KASH5: variants seen among roughly 807,000 people sequenced by gnomAD.
KASH5 encodes the protein KASH domain containing 5, also known as protein KASH5.
In KASH5, 72 loss-of-function variants were observed where a neutral mutation model predicts 84.2. That is an observed-to-expected ratio of 0.85 (90% CI 0.71 to 1.04). KASH5 has a LOEUF of 1.04. KASH5 is among the 50% of genes least tolerant of loss of function. The pLI, the probability that KASH5 is intolerant of heterozygous loss-of-function variation, is 0.00. For missense variants in KASH5, 650 were observed against 701.0 expected (o/e 0.93, Z 0.82); for synonymous variants, 260 against 279.1 (o/e 0.93, Z 0.68).
At chr19:49,415,263 G>A (rs545927574) in intron 17 of KASH5, 156 of 549,408 alleles carry the variant, frequency 2.8e-4, no homozygotes, top group African/African-American at 2.6e-3. Context: ...CCACCACACC[G>A]CAGGCCTCAT....
At chr19:49,398,352 G>T (rs1319449896) in intron 7 of KASH5, among the ~76,000 whole-genome samples, 1 of 151,024 alleles carries the variant, frequency 6.6e-6, no homozygotes, top group East Asian at 1.9e-4. Flanking sequence ...TCCCTTGAGG[G>T]TTCAGACTTC....
chr19:49,406,907 C>A lies in KASH5; in HGVS notation c.820C>A (p.Arg274=). The A allele has an allele frequency of 6.2e-7, 1 of 1,606,288 alleles. No individual in the cohort carries two copies. The highest frequency in any genetic ancestry group is 8.5e-7 in the Non-Finnish European group (1 of 1,176,348). The change falls in exon 10 of 20, where the codon CGG becomes AGG. Residue 274 remains arginine (R), a synonymous_variant. Transcript: ENST00000447857. The part of the protein sequence containing the change: ...QEENGKLLAE[R]DGVKKRSQEL... ...CTAGAACGGGAAGCTGCTTGCCGAG[C>A]GGGATGGAGTGAAAAAGAGAAGTCA...
At chr19:49,411,930 A>C (rs13346549) in intron 15 of KASH5, among the ~76,000 whole-genome samples, 1 of 90,708 alleles carries the variant, frequency 1.1e-5, no homozygotes, top group South Asian at 3.9e-4. Flanking sequence ...GAAGGAAGGA[A>C]GGAAGGAAGG....
chr19:49,388,347 G>C lies in KASH5; in HGVS notation c.-96+20G>C, dbSNP rs1391508302. 3 of 152,294 alleles carry C rather than the reference G, an allele frequency of 2.0e-5. No individual in the cohort carries two copies. The highest frequency in any genetic ancestry group is 4.4e-5 in the Non-Finnish European group (3 of 68,142). 9.4% of individuals were successfully genotyped at this position (152,294 alleles called of 1,614,324 possible). A position where few individuals can be genotyped will look rare whatever the true frequency, so the allele number is the denominator to read the frequency against. On this transcript the variant is annotated intron_variant, in intron 1 of 19. Transcript: ENST00000447857. ...CTCCAGGTGCGCCCTGCCCCGCGGC[G>C]AGGTTCCCAGAATGGCCCTTCCCAG... is the stretch of plus-strand genomic sequence containing the variant.
intron 10 of KASH5, 86 bp from the exon 11 acceptor site, chr19:49,407,154 C>G (rs527307252): frequency 6.0e-6 from 9 of 1,493,218 alleles, no homozygotes; most frequent in Admixed American, 1.8e-5. Context: ...CGTGGGGGTG[C>G]GAGAGAACAG....
rs762397520 is a variant in KASH5 at position 49,414,939 on chromosome 19, G to A, written c.1329-12G>A. On this transcript the variant is annotated splice_polypyrimidine_tract_variant and intron_variant, in intron 16 of 19. Coordinates refer to ENST00000447857, the MANE Select transcript of KASH5 (RefSeq NM_144688.5). This position sits in a 1 kb window ranked among gnomAD's most constrained non-coding sequence, Gnocchi z 4.5. ...AGAGGACGAAGCCAGCAGTGACTTT[G>A]TTGGCCCTCAGGTTGACCAGAAGAG... 2.4e-5 allele frequency: 39 copies of A among 1,611,784 alleles called. No individual in the cohort carries two copies. The highest frequency in any genetic ancestry group is 3.2e-5 in the Non-Finnish European group (38 of 1,179,162).
rs754025481 is a variant in KASH5, at chr19:49,407,573, G to GA, written c.934-37dup. 150 of 1,558,002 alleles carry GA rather than the reference G, an allele frequency of 9.6e-5. 1 individual carries two copies. The African/African-American group carries it at 1.8e-3, about 19-fold the overall frequency. On this transcript the variant is annotated intron_variant, in intron 11 of 19. Transcript: ENST00000447857. ...CACCACCACCCCCAGTGTCTTTGGGGAACTGGTCCCAGTCTCATTTGGCTT... is the reference window on the plus strand; with the variant it reads ...CACCACCACCCCCAGTGTCTTTGGGGAAACTGGTCCCAGTCTCATTTGGCTT...
rs1283172854 is a variant in KASH5, at chr19:49,414,381, T to G, written c.1329-570T>G. ...AGTTCTGTGGGCTGGGAGGTCTGAG[T>G]TGGAGTCCCAGTCCTCAGAGAGCAC... On this transcript the variant is annotated intron_variant, in intron 16 of 19. Coordinates refer to ENST00000447857, the MANE Select transcript of KASH5 (RefSeq NM_144688.5). This position sits in a 1 kb window ranked among gnomAD's most constrained non-coding sequence, Gnocchi z 4.5. Among the ~76,000 whole-genome samples, 2 of 152,016 alleles carry G rather than the reference T, an allele frequency of 1.3e-5. No homozygotes were observed. The highest frequency in any genetic ancestry group is 4.8e-5 in the African/African-American group (2 of 41,360).
intron 14 of KASH5, 142 bp downstream of exon 14, chr19:49,409,425 C>T (rs1217390541): frequency 2.2e-6 from 2 of 913,100 alleles, no homozygotes; most frequent in African/African-American, 3.3e-5. Flanking sequence ...TTTTCTCTAA[C>T]TCTCTCTACC....
Position 49,406,943 on chromosome 19 carries a change from A to C in KASH5, c.856A>C (p.Met286Leu). The C allele has an allele frequency of 6.3e-7, 1 of 1,598,444 alleles. No homozygotes were observed. ...GAAAAAGAGAAGTCAGGAGCTGGCC[A>C]TGGAGAAGGACACTTTGAAGGTGCC... ...GVKKRSQELA[M>L]EKDTLKRQLF... Residue 286 changes from methionine to leucine, a missense_variant, in exon 10 of 20, where the codon ATG (methionine) becomes CTG (leucine). Transcript: ENST00000447857.
In KASH5 at chr19:49,414,357, G is replaced by C. The variant is rs1302930189; in HGVS notation, c.1329-594G>C. Among the ~76,000 whole-genome samples the C allele has an allele frequency of 6.6e-6, 1 of 152,116 alleles. No homozygotes were observed. The highest frequency in any genetic ancestry group is 1.5e-5 in the Non-Finnish European group (1 of 68,012). On this transcript the variant is annotated intron_variant, in intron 16 of 19. Coordinates refer to ENST00000447857, the MANE Select transcript of KASH5 (RefSeq NM_144688.5). The surrounding 1 kb of genome is among the most constrained non-coding windows in gnomAD (Gnocchi z 4.5). ...CATGGGGAAGAGCTCCAACAGTTGA[G>C]TTCTGTGGGCTGGGAGGTCTGAGTT... is the stretch of plus-strand genomic sequence containing the variant.
At chr19:49,406,405 C>G (rs941519795) in intron 9 of KASH5, among the ~76,000 whole-genome samples, 8 of 152,076 alleles carry the variant, frequency 5.3e-5, no homozygotes, top group African/African-American at 1.9e-4. Context: ...CTGAGACAGT[C>G]TCGCTCTGTC....
Position 49,406,890 on chromosome 19 carries a change from G to T in KASH5, c.803G>T (p.Gly268Val). 6.2e-7 allele frequency: 1 copy of T among 1,605,438 alleles called. No homozygotes were observed. ...ACCAGCCATTCCTTCTTCTAGAACG[G>T]GAAGCTGCTTGCCGAGCGGGATGGA... ...AEMETLQEENGKLLAERDGVK... is the reference protein window; with the variant it reads ...AEMETLQEENVKLLAERDGVK... The change falls in exon 10 of 20, where the codon GGG becomes GTG. Residue 268 changes from glycine (G) to valine (V), a missense_variant. Gly to Val is a moderately radical substitution (Grantham distance 109, BLOSUM62 -3). Coordinates refer to ENST00000447857, the MANE Select transcript of KASH5 (RefSeq NM_144688.5).
chr19:49,411,118 T>C (rs1246584704), intron 15 of KASH5, among the ~76,000 whole-genome samples: 2 of 151,822 alleles, frequency 1.3e-5, no homozygotes, highest in South Asian at 2.1e-4. Context: ...TTTTCTATTT[T>C]TTGTAGAAAT....
In KASH5 at chr19:49,403,772, G is replaced by A. The variant is rs112306830; in HGVS notation, c.799-3114G>A. Among the ~76,000 whole-genome samples, 425 of 152,322 alleles carry A rather than the reference G, an allele frequency of 2.8e-3. 1 individual carries two copies. The highest frequency in any genetic ancestry group is 4.4e-3 in the Non-Finnish European group (301 of 68,034). On this transcript the variant is annotated intron_variant, in intron 9 of 19. Transcript: ENST00000447857. The stretch of plus-strand genomic sequence containing the variant: ...ATCTCTACCTCCTCCCCACCAGGAA[G>A]GCCTGCTGCCAGGTTGAGTGCCTTG...
intron 7 of KASH5, 147 bp downstream of exon 7, chr19:49,398,290 T>C: frequency 1.4e-6 from 1 of 719,458 alleles, no homozygotes; most frequent in East Asian, 3.0e-5. Context: ...TTTTTATCTT[T>C]TGTGTCTCTC....
Position 49,399,679 on chromosome 19 carries a change from T to C in KASH5, c.798+172T>C, listed in dbSNP as rs1275276540. 2 of 1,473,544 alleles carry C rather than the reference T, an allele frequency of 1.4e-6. No individual in the cohort carries two copies. Among genetic ancestry groups the C allele is most frequent in the Non-Finnish European group, 9.0e-7 (1 of 1,109,364 alleles). The allele number at this position is 1,473,544 out of a possible 1,614,324, so 91.3% of individuals were successfully genotyped here. On this transcript the variant is annotated intron_variant, in intron 9 of 19. Coordinates refer to ENST00000447857, the MANE Select transcript of KASH5 (RefSeq NM_144688.5). This position sits in a 1 kb window ranked among gnomAD's most constrained non-coding sequence, Gnocchi z 4.4. ...TCACACTGTGAGAACAGCCGTGGTT[T>C]ACAAGAGTGTGAGGCATGGGGTCAG...
At chr19:49,394,051 G>C (rs964812047) in intron 2 of KASH5, among the ~76,000 whole-genome samples, 2 of 152,120 alleles carry the variant, frequency 1.3e-5, no homozygotes, top group Non-Finnish European at 2.9e-5. Context: ...GGATCGATCT[G>C]GGCTGCCCAT....
rs765529238 is a variant in KASH5 at position 49,416,982 on chromosome 19, G to A, written c.1375-33G>A. 22 of 1,561,246 alleles carry A rather than the reference G, an allele frequency of 1.4e-5. No individual in the cohort carries two copies. Among genetic ancestry groups the A allele is most frequent in the East Asian group, 1.2e-4 (5 of 41,968 alleles). ...CTGAGCACCTCTCAGTCCAGAACCC[G>A]GTGCCTCCAACGCATCTCTTCTGTC... On this transcript the variant is annotated intron_variant, in intron 17 of 19. Coordinates refer to ENST00000447857, the MANE Select transcript of KASH5 (RefSeq NM_144688.5). The surrounding 1 kb of genome is among the most constrained non-coding windows in gnomAD (Gnocchi z 5.4).
Sources: gnomAD v4.1 joint callset for allele counts (sites outside exome capture counted in the v4.1 genomes callset) on GRCh38, gnomAD v4.1.1 for gene constraint, Gnocchi (gnomAD v3.1) non-coding constraint, MANE v1.5 for transcripts, NCBI Gene and HGNC (gene_info 2026-07-23, HGNC 2026-07-21) for gene names.